DEFB126: variants seen among roughly 807,000 people sequenced by gnomAD.
DEFB126 encodes defensin beta 126, also known as beta-defensin 126.
A neutral mutation model predicts 2.5 loss-of-function variants in DEFB126; 2 were observed. That is an observed-to-expected ratio of 0.79 (90% CI 0.32 to 2.49). The LOEUF is 2.49. DEFB126 is among the 30% of genes most tolerant of loss of function. DEFB126 has a pLI of 0.11. For missense variants in DEFB126, 136 were observed against 135.4 expected (o/e 1.00, Z -0.02); for synonymous variants, 51 against 45.4 (o/e 1.12, Z -0.50).
At chr20:142,797 C>T (rs1172825217) in intron 1 of DEFB126, 111 bp downstream of exon 1, 2 of 1,148,646 alleles carry the variant, frequency 1.7e-6, no homozygotes, top group Non-Finnish European at 2.6e-6. Flanking sequence ...TCACTGGGAG[C>T]AGGGCTGAGA....
Position 145,610 on chromosome 20 carries a change from C to T in DEFB126, c.254C>T (p.Ala85Val), listed in dbSNP as rs2054664471. ...TKTTRISTVT[A>V]TTATTTLMMT... The stretch of plus-strand genomic sequence containing the variant: ...ACTACAAGAATTTCAACAGTAACAG[C>T]AACAACAGCAACAACAACTTTGATG... Residue 85 changes from alanine (A) to valine (V), a missense_variant, in exon 2 of 2, where the codon GCA (alanine) becomes GTA (valine). Transcript: ENST00000382398. 1.9e-6 allele frequency: 3 copies of T among 1,613,800 alleles called. No individual in the cohort carries two copies. Among genetic ancestry groups the T allele is most frequent in the Admixed American group, 3.3e-5 (2 of 59,960 alleles).
intron 1 of DEFB126, among the ~76,000 whole-genome samples, chr20:145,189 T>A (rs1000298173): frequency 8.5e-5 from 13 of 152,190 alleles, no homozygotes; most frequent in Non-Finnish European, 8.8e-5. Flanking sequence ...AGTGTTTGTA[T>A]ACAGAATTCT....
chr20:142,740 A>G, intron 1 of DEFB126, 54 bp downstream of exon 1: 2 of 1,573,990 alleles, frequency 1.3e-6, no homozygotes, highest in South Asian at 1.1e-5. Context: ...GGTCCTGCAC[A>G]TGGAGTCCCT....
intron 1 of DEFB126, among the ~76,000 whole-genome samples, chr20:143,057 A>G (rs1305869017): frequency 6.6e-5 from 10 of 151,846 alleles, no homozygotes; most frequent in Non-Finnish European, 1.2e-4. Context: ...ATTATATAAT[A>G]TTACTTCCCC....
Position 145,513 on chromosome 20 carries a change from G to T in DEFB126, c.157G>T (p.Gly53Cys), listed in dbSNP as rs201416351. 1 of 1,607,724 alleles carries T rather than the reference G, an allele frequency of 6.2e-7. No homozygotes were observed. Among genetic ancestry groups the T allele is most frequent in the South Asian group, 1.1e-5 (1 of 90,814 alleles). The change falls in exon 2 of 2, where the codon GGC becomes TGC. Residue 53 changes from glycine (G) to cysteine (C), a missense_variant. Coordinates refer to ENST00000382398, the MANE Select transcript of DEFB126 (RefSeq NM_030931.4). Reference protein sequence around the residue: ...MHVKNGWAMCGKQRDCCVPAD... With the variant: ...MHVKNGWAMCCKQRDCCVPAD... Reference sequence around the variant, plus strand: ...TGTAAAGAATGGTTGGGCAATGTGCGGCAAACAAAGGGACTGCTGTGTTCC... The same window carrying T: ...TGTAAAGAATGGTTGGGCAATGTGCTGCAAACAAAGGGACTGCTGTGTTCC...
At chr20:144,145 T>C (rs944212482) in intron 1 of DEFB126, among the ~76,000 whole-genome samples, 9 of 152,144 alleles carry the variant, frequency 5.9e-5, no homozygotes, top group African/African-American at 2.2e-4. Context: ...TATTGCATCC[T>C]TGAAATTCTA....
chr20:143,857 T>C (rs559894153), intron 1 of DEFB126, among the ~76,000 whole-genome samples: 32 of 152,300 alleles, frequency 2.1e-4, no homozygotes, highest in Non-Finnish European at 7.4e-5. Flanking sequence ...TTCTTTGCAT[T>C]CTTCCACTAA....
chr20:143,194 A>T (rs1418698996), intron 1 of DEFB126, among the ~76,000 whole-genome samples: 1 of 152,194 alleles, frequency 6.6e-6, no homozygotes, highest in Non-Finnish European at 1.5e-5. Context: ...AAATGAAAAA[A>T]AAAATTCTGT....
At chr20:142,776 G>A in intron 1 of DEFB126, 90 bp downstream of exon 1, 1 of 1,390,734 alleles carries the variant, frequency 7.2e-7, no homozygotes, top group Non-Finnish European at 1.0e-6. Context: ...GTGGAAATGG[G>A]GTCTGGCTTC....
intron 1 of DEFB126, among the ~76,000 whole-genome samples, chr20:144,371 G>T (rs113661792): frequency 1.3e-4 from 20 of 152,088 alleles, no homozygotes; most frequent in African/African-American, 3.1e-4. Flanking sequence ...ATTCAAAAAC[G>T]TTTGCTCTGT....
At chr20:145,285 A>G in intron 1 of DEFB126, 130 bp from the exon 2 acceptor site, 3 of 813,372 alleles carry the variant, frequency 3.7e-6, no homozygotes, top group Non-Finnish European at 5.6e-6. Flanking sequence ...GTAGGTATTT[A>G]TGATTAGGAA....
intron 1 of DEFB126, among the ~76,000 whole-genome samples, chr20:144,630 C>T (rs1036939570): frequency 2.6e-5 from 4 of 152,062 alleles, no homozygotes; most frequent in African/African-American, 4.8e-5. Context: ...AGAGCTCCAG[C>T]GTCACTCTAG....
chr20:145,580 C>A lies in DEFB126; in HGVS notation c.224C>A (p.Thr75Lys), dbSNP rs780370081. 54 of 1,613,822 alleles carry A rather than the reference C, an allele frequency of 3.3e-5. No individual in the cohort carries two copies. Among genetic ancestry groups the A allele is most frequent in the Non-Finnish European group, 4.6e-5 (54 of 1,179,930 alleles). Residue 75 changes from threonine to lysine, a missense_variant, in exon 2 of 2, where the codon ACA (threonine) becomes AAA (lysine). Transcript: ENST00000382398. ...AATTATCCTGTTTTCTGTGTCCAGA[C>A]AAAGACTACAAGAATTTCAACAGTA... ...RANYPVFCVQ[T>K]KTTRISTVTA... is the part of the protein sequence containing the mutation.
chr20:145,336 T>A (rs575457625), intron 1 of DEFB126, 79 bp from the exon 2 acceptor site: 1 of 1,385,584 alleles, frequency 7.2e-7, no homozygotes, highest in African/African-American at 1.5e-5. Context: ...GAATAAACAG[T>A]GCTCAAAAAC....
At chr20:144,088 A>T (rs2054658227) in intron 1 of DEFB126, among the ~76,000 whole-genome samples, 1 of 152,134 alleles carries the variant, frequency 6.6e-6, no homozygotes, top group South Asian at 2.1e-4. Flanking sequence ...AGTGGATAAG[A>T]GGAAATTATA....
chr20:145,500 T>C lies in DEFB126; in HGVS notation c.144T>C (p.Gly48=). The change falls in exon 2 of 2, where the codon GGT becomes GGC. Residue 48 remains glycine, a synonymous_variant. Coordinates refer to ENST00000382398, the MANE Select transcript of DEFB126 (RefSeq NM_030931.4). ...CTGAAGAGATGCATGTAAAGAATGGTTGGGCAATGTGCGGCAAACAAAGGG... is the reference window on the plus strand; with the variant it reads ...CTGAAGAGATGCATGTAAAGAATGGCTGGGCAATGTGCGGCAAACAAAGGG... ...CKPEEMHVKN[G]WAMCGKQRDC... The C allele has an allele frequency of 1.2e-6, 2 of 1,609,974 alleles. No homozygotes were observed. The highest frequency in any genetic ancestry group is 4.5e-5 in the East Asian group (2 of 44,868).
intron 1 of DEFB126, 44 bp downstream of exon 1, chr20:142,730 G>A: frequency 6.3e-7 from 1 of 1,598,944 alleles, no homozygotes; most frequent in Non-Finnish European, 8.6e-7. Context: ...CCTGGAACAG[G>A]GTCCTGCACA....
In DEFB126 at chr20:145,533, T is replaced by A. The variant is rs752891875; in HGVS notation, c.177T>A (p.Cys59Ter). The change falls in exon 2 of 2, where the codon TGT becomes TGA. Residue 59 changes from cysteine (C) to a stop codon, truncating the protein, a stop_gained. Coordinates refer to ENST00000382398, the MANE Select transcript of DEFB126 (RefSeq NM_030931.4). LOFTEE classifies it low-confidence loss of function (END_TRUNC). ...TGTGCGGCAAACAAAGGGACTGCTGTGTTCCAGCTGACAGACGTGCTAATT... is the reference window on the plus strand; with the variant it reads ...TGTGCGGCAAACAAAGGGACTGCTGAGTTCCAGCTGACAGACGTGCTAATT... ...WAMCGKQRDC[C>*]VPADRRANYP... is the part of the protein sequence containing the mutation. 2 of 1,614,088 alleles carry A rather than the reference T, an allele frequency of 1.2e-6. No individual in the cohort carries two copies. Among genetic ancestry groups the A allele is most frequent in the East Asian group, 4.5e-5 (2 of 44,878 alleles).
At chr20:144,523 T>C (rs1310077043) in intron 1 of DEFB126, among the ~76,000 whole-genome samples, 1 of 152,144 alleles carries the variant, frequency 6.6e-6, no homozygotes, top group Non-Finnish European at 1.5e-5. Flanking sequence ...TTTCTGTTCA[T>C]TGTTTTATTC....
Sources: gnomAD v4.1 joint callset for allele counts (sites outside exome capture counted in the v4.1 genomes callset) on GRCh38, gnomAD v4.1.1 for gene constraint, MANE v1.5 for transcripts, NCBI Gene and HGNC (gene_info 2026-07-23, HGNC 2026-07-21) for gene names.